The following ARHGAP44 variants were observed in gnomAD, a reference collection of about 807,000 sequenced individuals.
ARHGAP44 encodes the protein Rho GTPase activating protein 44, also known as rho GTPase-activating protein 44.
A neutral mutation model predicts 106.8 loss-of-function variants in ARHGAP44; 43 were observed. The ratio of observed to expected loss-of-function variants is 0.40; its 90% CI spans 0.32 to 0.52. The LOEUF is 0.52. ARHGAP44 is among the 20% of genes least tolerant of loss of function. The pLI is 0.48. For synonymous variants in ARHGAP44, 439 were observed against 410.3 expected, an observed-to-expected ratio of 1.07 and a Z score of -0.85; for missense variants, 866 against 1,050.5, an observed-to-expected ratio of 0.82 and a Z score of 2.43.
At chr17:12,894,212 T>TTGTG (rs1255643307) in intron 1 of ARHGAP44, among the ~76,000 whole-genome samples, 34 of 149,202 alleles carry the variant, frequency 2.3e-4, no homozygotes, top group African/African-American at 7.7e-4. Flanking sequence ...TTTGCTGTGT[T>TTGTG]TGTGTGTGTG....
intron 1 of ARHGAP44, among the ~76,000 whole-genome samples, chr17:12,873,272 T>C (rs1469037925): frequency 6.6e-6 from 1 of 152,182 alleles, no homozygotes; most frequent in Non-Finnish European, 1.5e-5. Context: ...CATTTCAGAC[T>C]TTTCCCATGT....
intron 1 of ARHGAP44, among the ~76,000 whole-genome samples, chr17:12,847,332 T>C (rs2035596975): frequency 6.6e-6 from 1 of 152,082 alleles, no homozygotes; most frequent in South Asian, 2.1e-4. Context: ...GAAACTAATA[T>C]AGCTGAACTC....
intron 3 of ARHGAP44, among the ~76,000 whole-genome samples, chr17:12,897,033 C>A (rs2037226160): frequency 6.6e-6 from 1 of 152,158 alleles, no homozygotes; most frequent in South Asian, 2.1e-4. Flanking sequence ...TTGTCTATAA[C>A]CTGCATTAGA....
Position 12,824,580 on chromosome 17 carries a change from T to A in ARHGAP44, c.53+34689T>A, listed in dbSNP as rs538014568. Among the ~76,000 whole-genome samples, 10 of 152,224 alleles carry A rather than the reference T, an allele frequency of 6.6e-5. No homozygotes were observed. The South Asian group carries it at 2.1e-3, about 32-fold the overall frequency. On this transcript the variant is annotated intron_variant, in intron 1 of 20. Transcript: ENST00000379672. Reference sequence around the variant, plus strand: ...CCTACTTTCTTTTTCTAATTCATCATTTGATACTCTGGCCCTCTTCCACTT... The same window carrying A: ...CCTACTTTCTTTTTCTAATTCATCAATTGATACTCTGGCCCTCTTCCACTT...
At chr17:12,979,758 C>T (rs1470150261) in intron 18 of ARHGAP44, among the ~76,000 whole-genome samples, 2 of 152,196 alleles carry the variant, frequency 1.3e-5, no homozygotes, top group Non-Finnish European at 2.9e-5. Flanking sequence ...TGCTCAGGCC[C>T]CTGCCCTCAC....
chr17:12,851,296 G>A (rs1430510144), intron 1 of ARHGAP44, among the ~76,000 whole-genome samples: 1 of 152,094 alleles, frequency 6.6e-6, no homozygotes, highest in African/African-American at 2.4e-5. Flanking sequence ...ATCCCAAACT[G>A]TACAGCTGTA....
intron 20 of ARHGAP44, among the ~76,000 whole-genome samples, chr17:12,989,646 C>G (rs1004779622): frequency 1.3e-5 from 2 of 152,142 alleles, no homozygotes; most frequent in Non-Finnish European, 2.9e-5. Flanking sequence ...CACTGTCTCA[C>G]GTCCTGTCCC....
intron 16 of ARHGAP44, among the ~76,000 whole-genome samples, chr17:12,963,146 T>C (rs2039306078): frequency 6.6e-6 from 1 of 151,194 alleles, no homozygotes. Flanking sequence ...AATCATCCAC[T>C]GCAGCTCCAC....
At chr17:12,805,243 T>C (rs140767594) in intron 1 of ARHGAP44, among the ~76,000 whole-genome samples, 2 of 152,306 alleles carry the variant, frequency 1.3e-5, no homozygotes, top group Non-Finnish European at 2.9e-5. Context: ...TTAGTTGCTG[T>C]TGGTTCTGTT....
At chr17:12,923,253 C>T (rs1001323918) in intron 6 of ARHGAP44, among the ~76,000 whole-genome samples, 6 of 151,812 alleles carry the variant, frequency 4.0e-5, no homozygotes, top group African/African-American at 1.5e-4. Flanking sequence ...TCTTGTTGCC[C>T]AGGCTAGAGT....
intron 1 of ARHGAP44, among the ~76,000 whole-genome samples, chr17:12,830,960 G>C (rs1403831893): frequency 6.6e-6 from 1 of 152,126 alleles, no homozygotes; most frequent in Non-Finnish European, 1.5e-5. Context: ...ACTTTGTCTG[G>C]GGACACGTCC....
chr17:12,944,013 C>T, intron 9 of ARHGAP44, 56 bp from the exon 10 acceptor site: 1 of 1,522,976 alleles, frequency 6.6e-7, no homozygotes, highest in Non-Finnish European at 8.8e-7. Context: ...AGCGAGATTC[C>T]AGCATGAGTG....
intron 20 of ARHGAP44, chr17:12,987,152 G>A: frequency 6.5e-7 from 1 of 1,533,618 alleles, no homozygotes; most frequent in Non-Finnish European, 8.7e-7. Flanking sequence ...GGATTTTCAG[G>A]GTAAGCTGGC....
chr17:12,868,354 G>A (rs376717725), intron 1 of ARHGAP44, among the ~76,000 whole-genome samples: 17 of 151,748 alleles, frequency 1.1e-4, no homozygotes, highest in African/African-American at 3.4e-4. Context: ...CTTCAAATAC[G>A]GTCACATTCT....
At chr17:12,979,413 C>T (rs548486657) in intron 18 of ARHGAP44, among the ~76,000 whole-genome samples, 3 of 152,272 alleles carry the variant, frequency 2.0e-5, no homozygotes, top group South Asian at 2.1e-4. Flanking sequence ...TCACTGCCAT[C>T]GACCTTCACC....
rs372686948 is a variant in ARHGAP44 at position 12,990,218 on chromosome 17, T to G, written c.*47T>G. On this transcript the variant is annotated 3_prime_UTR_variant, in exon 21 of 21. Coordinates refer to ENST00000379672, the MANE Select transcript of ARHGAP44 (RefSeq NM_014859.6). The stretch of plus-strand genomic sequence containing the variant: ...TCGCGTGTACATACATCACGGGCCC[T>G]AGGAACGCCGCCAGGAGCAGCGTCC... 3 of 1,575,128 alleles carry G rather than the reference T, an allele frequency of 1.9e-6. No homozygotes were observed. In the African/African-American group the frequency reaches 4.0e-5, roughly 21 times the overall value.
chr17:12,897,710 C>CTTTTTTTT (rs71980749), intron 3 of ARHGAP44, among the ~76,000 whole-genome samples: 12 of 108,902 alleles, frequency 1.1e-4, no homozygotes, highest in Non-Finnish European at 1.6e-4. Flanking sequence ...TGATCTGTGT[C>CTTTTTTTT]TTTTTTTTTT....
chr17:12,843,264 C>G (rs891808425), intron 1 of ARHGAP44, among the ~76,000 whole-genome samples: 1 of 152,156 alleles, frequency 6.6e-6, no homozygotes, highest in Non-Finnish European at 1.5e-5. Context: ...TTTCTCCCCC[C>G]ACCTCCCCAT....
intron 7 of ARHGAP44, among the ~76,000 whole-genome samples, chr17:12,931,646 G>A (rs574063912): frequency 1.6e-4 from 24 of 151,962 alleles, no homozygotes; most frequent in South Asian, 8.3e-4. Flanking sequence ...ACAGGCGCCC[G>A]CCACCACGCC....
Sources: gnomAD v4.1 joint callset for allele counts (sites outside exome capture counted in the v4.1 genomes callset) on GRCh38, gnomAD v4.1.1 for gene constraint, MANE v1.5 for transcripts, NCBI Gene and HGNC (gene_info 2026-07-23, HGNC 2026-07-21) for gene names.